STAU2: variants seen among roughly 807,000 people sequenced by gnomAD.
STAU2 encodes the protein staufen double-stranded RNA binding protein 2.
In STAU2, 20 loss-of-function variants were observed where a neutral mutation model predicts 65.9. The ratio of observed to expected loss-of-function variants is 0.30; its 90% CI spans 0.21 to 0.44. STAU2 has a LOEUF of 0.44. Among genes scored for constraint, STAU2 ranks in the 20% least tolerant of loss-of-function variants. STAU2 has a pLI of 1.00. For missense variants in STAU2, 558 were observed against 683.9 expected (o/e 0.82, Z 2.05); for synonymous variants, 232 against 233.9 (o/e 0.99, Z 0.07).
chr8:73,741,133 G>A (rs1354880281), intron 1 of STAU2, among the ~76,000 whole-genome samples: 1 of 149,554 alleles, frequency 6.7e-6, no homozygotes, highest in African/African-American at 2.5e-5. Context: ...GTGAAACCCC[G>A]CCTCTACTAA....
At chr8:73,486,466 T>C (rs1175169097) in intron 13 of STAU2, among the ~76,000 whole-genome samples, 1 of 151,844 alleles carries the variant, frequency 6.6e-6, no homozygotes, top group Non-Finnish European at 1.5e-5. Context: ...AAATTTTATA[T>C]GCAAGAAGAT....
At chr8:73,521,059 A>C (rs1370398308) in intron 13 of STAU2, among the ~76,000 whole-genome samples, 2 of 152,110 alleles carry the variant, frequency 1.3e-5, no homozygotes, top group African/African-American at 4.8e-5. Context: ...GTCTACAATC[A>C]ATATATTATT....
At chr8:73,523,247 T>C (rs1823154409) in intron 13 of STAU2, among the ~76,000 whole-genome samples, 1 of 142,672 alleles carries the variant, frequency 7.0e-6, no homozygotes, top group African/African-American at 2.5e-5. Context: ...CCTTAACTAA[T>C]CACTGGCATT....
At chr8:73,631,827 G>A (rs1814109510) in intron 6 of STAU2, among the ~76,000 whole-genome samples, 1 of 152,120 alleles carries the variant, frequency 6.6e-6, no homozygotes, top group South Asian at 2.1e-4. Flanking sequence ...ACTGAGAAAA[G>A]CAGTAAGCCA....
chr8:73,455,953 G>A (rs546988494), intron 13 of STAU2, among the ~76,000 whole-genome samples: 2 of 152,272 alleles, frequency 1.3e-5, no homozygotes, highest in African/African-American at 4.8e-5. Flanking sequence ...ATGTCTGAGT[G>A]TGTCATCCAA....
intron 13 of STAU2, among the ~76,000 whole-genome samples, chr8:73,505,811 G>A (rs908286575): frequency 3.9e-5 from 6 of 152,088 alleles, no homozygotes; most frequent in African/African-American, 1.4e-4. Flanking sequence ...CGCTGGAAGT[G>A]AGGCCTGGCA....
chr8:73,640,245 A>G (rs1210109787), intron 6 of STAU2, among the ~76,000 whole-genome samples: 1 of 152,056 alleles, frequency 6.6e-6, no homozygotes, highest in Non-Finnish European at 1.5e-5. Flanking sequence ...AAAAAATGAA[A>G]CAAAATTAGA....
chr8:73,523,796 G>T lies in STAU2; in HGVS notation c.1530+28216C>A, dbSNP rs1024915433. On this transcript the variant is annotated intron_variant, in intron 13 of 14. Coordinates refer to ENST00000524300, the MANE Select transcript of STAU2 (RefSeq NM_001164380.2). ...GGGAGGAATTGAAGTTGGATAAGTG[G>T]AGGGGGCCAAATCATAGGAGTTTGT... Among the ~76,000 whole-genome samples the T allele has an allele frequency of 2.5e-4, 38 of 152,320 alleles. 1 individual carries two copies. The highest frequency in any genetic ancestry group is 2.4e-4 in the Non-Finnish European group (16 of 68,038).
intron 6 of STAU2, among the ~76,000 whole-genome samples, chr8:73,663,885 TG>T (rs1374398372): frequency 6.6e-6 from 1 of 152,232 alleles, no homozygotes; most frequent in African/African-American, 2.4e-5. Context: ...TTGCAACTTG[TG>T]GCCTTACTAA....
At chr8:73,541,323 C>A (rs1187656916) in intron 13 of STAU2, among the ~76,000 whole-genome samples, 1 of 152,056 alleles carries the variant, frequency 6.6e-6, no homozygotes, top group African/African-American at 2.4e-5. Context: ...ATGATGCAGG[C>A]ACAGAGGAGA....
intron 6 of STAU2, among the ~76,000 whole-genome samples, chr8:73,625,370 G>A (rs1452577373): frequency 6.6e-6 from 1 of 152,200 alleles, no homozygotes; most frequent in Non-Finnish European, 1.5e-5. Flanking sequence ...GTGTTTTACA[G>A]TCGTACAAAG....
intron 6 of STAU2, among the ~76,000 whole-genome samples, chr8:73,649,869 TTATATATA>T (rs55814743): frequency 0.01 from 720 of 71,626 alleles, 19 homozygotes; most frequent in African/African-American, 0.036. Context: ...CTATATAATT[TTATATATA>T]TATATATATA....
intron 12 of STAU2, among the ~76,000 whole-genome samples, chr8:73,560,833 T>A (rs1294054904): frequency 6.6e-6 from 1 of 152,194 alleles, no homozygotes; most frequent in African/African-American, 2.4e-5. Flanking sequence ...TATGATGAAC[T>A]GGGAAATGCC....
chr8:73,597,306 T>C (rs1442073832), intron 10 of STAU2, among the ~76,000 whole-genome samples: 1 of 151,386 alleles, frequency 6.6e-6, no homozygotes, highest in Non-Finnish European at 1.5e-5. Flanking sequence ...AAATAAGAAA[T>C]GAAATAATTA....
chr8:73,646,749 A>G (rs1408390692), intron 6 of STAU2, among the ~76,000 whole-genome samples: 3 of 152,156 alleles, frequency 2.0e-5, no homozygotes, highest in Non-Finnish European at 4.4e-5. Context: ...CTTCTGCTCT[A>G]TGAAAAACTA....
chr8:73,479,471 T>TACACACACACAC (rs1820492000), intron 13 of STAU2, among the ~76,000 whole-genome samples: 1 of 37,372 alleles, frequency 2.7e-5, no homozygotes, highest in African/African-American at 1.1e-4. Context: ...CTCCCTATTC[T>TACACACACACAC]GCACACACAC....
chr8:73,541,447 CA>C (rs1008935291), intron 13 of STAU2, among the ~76,000 whole-genome samples: 1 of 152,076 alleles, frequency 6.6e-6, no homozygotes, highest in African/African-American at 2.4e-5. Flanking sequence ...GCAACTTAAT[CA>C]AAAACCAAAA....
intron 13 of STAU2, among the ~76,000 whole-genome samples, chr8:73,479,712 C>CATGTGT (rs1554595332): frequency 7.0e-6 from 1 of 143,806 alleles, no homozygotes; most frequent in Non-Finnish European, 1.5e-5. Context: ...CTTAAATATA[C>CATGTGT]GTGTGTGTGT....
chr8:73,596,499 T>A (rs917125911), intron 10 of STAU2, among the ~76,000 whole-genome samples: 5 of 152,188 alleles, frequency 3.3e-5, no homozygotes, highest in African/African-American at 1.2e-4. Context: ...GTTGAATTTC[T>A]TTTTACACAG....
Sources: allele counts gnomAD v4.1 joint callset (sites outside exome capture counted in the v4.1 genomes callset), GRCh38; gene constraint gnomAD v4.1.1; transcripts MANE v1.5; gene names NCBI Gene and HGNC (gene_info 2026-07-23, HGNC 2026-07-21).